Variants in HNRNPC observed in about 807,000 individuals in gnomAD.
HNRNPC encodes the protein heterogeneous nuclear ribonucleoproteins C1/C2.
Under a neutral mutation model 33.2 loss-of-function variants are expected in HNRNPC, and 3 were observed. The observed-to-expected ratio is 0.09, with a 90% CI of 0.04 to 0.23. HNRNPC has a LOEUF of 0.23. HNRNPC is among the 10% of genes least tolerant of loss of function. The pLI is 1.00. For missense variants in HNRNPC, 143 were observed against 366.7 expected (o/e 0.39, Z 4.98); for synonymous variants, 121 against 126.7 (o/e 0.96, Z 0.30).
chr14:21,236,399 G>A (rs1218455208), intron 2 of HNRNPC: 3 of 152,084 alleles, frequency 2.0e-5, no homozygotes, highest in Non-Finnish European at 2.9e-5. Flanking sequence ...CAAGATGGAG[G>A]CAACAGTAAA....
At chr14:21,244,244 C>T (rs968701590) in intron 2 of HNRNPC, among the ~76,000 whole-genome samples, 10 of 152,144 alleles carry the variant, frequency 6.6e-5, no homozygotes, top group Non-Finnish European at 8.8e-5. Context: ...GGTGATCCGC[C>T]GACCTCCACG....
chr14:21,237,707 G>C (rs1399380331), intron 2 of HNRNPC, among the ~76,000 whole-genome samples: 1 of 152,150 alleles, frequency 6.6e-6, no homozygotes, highest in East Asian at 1.9e-4. Context: ...TCATGTAACA[G>C]GTTGCCAGCA....
At chr14:21,248,045 C>T (rs1212235538) in intron 2 of HNRNPC, among the ~76,000 whole-genome samples, 1 of 151,600 alleles carries the variant, frequency 6.6e-6, no homozygotes, top group African/African-American at 2.4e-5. Flanking sequence ...TCCACTATGA[C>T]CGAACCTTAA....
At chr14:21,265,539 T>G (rs1234453229) in intron 1 of HNRNPC, 1 of 152,232 alleles carries the variant, frequency 6.6e-6, no homozygotes, top group Non-Finnish European at 1.5e-5. Context: ...CCAGGCGGCG[T>G]GGCTCACACC....
intron 1 of HNRNPC, among the ~76,000 whole-genome samples, chr14:21,268,432 G>A (rs1438509150): frequency 6.6e-6 from 1 of 152,136 alleles, no homozygotes; most frequent in African/African-American, 2.4e-5. Context: ...TCCGTCATCA[G>A]GTTCTTGGCA....
intron 7 of HNRNPC, 29 bp downstream of exon 7, chr14:21,211,781 T>TAC (rs1193306574): frequency 1.3e-6 from 2 of 1,582,618 alleles, no homozygotes; most frequent in African/African-American, 1.3e-5. Flanking sequence ...CCCAACTGTA[T>TAC]ACCAAGGGCA....
intron 2 of HNRNPC, among the ~76,000 whole-genome samples, chr14:21,244,136 A>C (rs890885505): frequency 6.6e-6 from 1 of 151,780 alleles, no homozygotes; most frequent in Non-Finnish European, 1.5e-5. Flanking sequence ...AGCTGGGACT[A>C]CAGGCGCCCG....
intron 2 of HNRNPC, among the ~76,000 whole-genome samples, chr14:21,246,295 C>CA (rs1219379852): frequency 6.6e-6 from 1 of 152,164 alleles, no homozygotes; most frequent in Non-Finnish European, 1.5e-5. Context: ...CGCGGTGGCT[C>CA]ATGCCTATAA....
chr14:21,262,773 C>T (rs1357040047), intron 2 of HNRNPC: 2 of 152,074 alleles, frequency 1.3e-5, no homozygotes, highest in Admixed American at 6.6e-5. Flanking sequence ...AGATGGCTTT[C>T]AGGGAAAATG....
chr14:21,251,392 C>T (rs989915195), intron 2 of HNRNPC, among the ~76,000 whole-genome samples: 1 of 151,384 alleles, frequency 6.6e-6, no homozygotes, highest in African/African-American at 2.4e-5. Context: ...GTCTACAATG[C>T]TTGCAGCCAG....
chr14:21,234,264 T>C, intron 2 of HNRNPC, 35 bp from the exon 3 acceptor site: 1 of 1,522,956 alleles, frequency 6.6e-7, no homozygotes. Flanking sequence ...GGTGAACAGA[T>C]GCTAAAAACA....
chr14:21,232,689 A>C (rs79784860), intron 3 of HNRNPC, among the ~76,000 whole-genome samples: 3,480 of 152,232 alleles, frequency 0.023, 87 homozygotes, highest in Middle Eastern at 0.082. Flanking sequence ...CTTAAACTTA[A>C]TCTTATTTAT....
intron 2 of HNRNPC, among the ~76,000 whole-genome samples, chr14:21,251,428 C>CA (rs1896660776): frequency 6.6e-6 from 1 of 152,034 alleles, no homozygotes; most frequent in Non-Finnish European, 1.5e-5. Flanking sequence ...CCTGTACTCC[C>CA]AACACTTTGG....
intron 2 of HNRNPC, among the ~76,000 whole-genome samples, chr14:21,240,034 G>C (rs1895171765): frequency 6.6e-6 from 1 of 151,988 alleles, no homozygotes; most frequent in African/African-American, 2.4e-5. Flanking sequence ...GTTTTACCTA[G>C]AAAACAAGTC....
intron 2 of HNRNPC, among the ~76,000 whole-genome samples, chr14:21,260,849 G>A (rs922820166): frequency 6.6e-6 from 1 of 151,504 alleles, no homozygotes; most frequent in African/African-American, 2.4e-5. Flanking sequence ...TGTAGTCTCA[G>A]CTACTCGGGA....
chr14:21,264,848 C>CGA (rs1390552003), intron 1 of HNRNPC: 1 of 152,060 alleles, frequency 6.6e-6, no homozygotes. Context: ...GGAAACATGA[C>CGA]GAGACTTTAT....
intron 1 of HNRNPC, chr14:21,265,519 T>C (rs1878828770): frequency 6.6e-6 from 1 of 152,208 alleles, no homozygotes. Context: ...ATCAAGAATA[T>C]TCCTTGAGGC....
In HNRNPC at chr14:21,229,456, C is replaced by T. The variant is rs541264925; in HGVS notation, c.365+863G>A. 5.3e-5 allele frequency among the ~76,000 whole-genome samples: 8 copies of T among 152,136 alleles called. No individual in the cohort carries two copies. In the East Asian group the frequency reaches 9.6e-4, roughly 18 times the overall value. On this transcript the variant is annotated intron_variant, in intron 5 of 8. Coordinates refer to ENST00000553300, the MANE Select transcript of HNRNPC (RefSeq NM_004500.4). ...ATGCATTAATGATGCTCAACCACAC[C>T]ATTTTATTATGGCATTCAAGGCCCT...
intron 2 of HNRNPC, among the ~76,000 whole-genome samples, chr14:21,242,632 A>G (rs1895496196): frequency 6.6e-6 from 1 of 152,232 alleles, no homozygotes; most frequent in African/African-American, 2.4e-5. Flanking sequence ...CAGATACTCT[A>G]TAATTACATA....
Sources: allele counts gnomAD v4.1 joint callset (sites outside exome capture counted in the v4.1 genomes callset), GRCh38; gene constraint gnomAD v4.1.1; transcripts MANE v1.5; gene names NCBI Gene and HGNC (gene_info 2026-07-23, HGNC 2026-07-21).